Variants in SLC2A9 observed in about 807,000 individuals in gnomAD.
SLC2A9 encodes solute carrier family 2, facilitated glucose transporter member 9.
SLC2A9 carries 39 observed loss-of-function variants against 50.6 expected under a neutral mutation model. That is an observed-to-expected ratio of 0.77 (90% CI 0.60 to 1.01). The LOEUF (loss-of-function observed/expected upper bound fraction) is 1.01, where lower values mean the gene tolerates loss of function less well. Ranked by LOEUF, SLC2A9 falls within the 50% of genes least tolerant of loss-of-function variation. SLC2A9 has a pLI of 0.00. For synonymous variants in SLC2A9, 324 were observed against 276.9 expected, an observed-to-expected ratio of 1.17 and a Z score of -1.69; for missense variants, 686 against 677.6, an observed-to-expected ratio of 1.01 and a Z score of -0.14.
intron 10 of SLC2A9, among the ~76,000 whole-genome samples, chr4:9,839,864 T>A (rs562640391): frequency 6.6e-6 from 1 of 152,136 alleles, no homozygotes; most frequent in African/African-American, 2.4e-5. Flanking sequence ...AAAATATTAA[T>A]AACAAATAGG....
At chr4:10,023,340 C>T (rs933600980), upstream of SLC2A9, among the ~76,000 whole-genome samples, 1 of 152,172 alleles carries the variant, frequency 6.6e-6, no homozygotes, top group Non-Finnish European at 1.5e-5. Flanking sequence ...GGCCCCTCTG[C>T]CCCTATGCTG....
chr4:9,782,503 G>A lies in SLC2A9; in HGVS notation n.386-2438C>T, dbSNP rs777476781. On this transcript the variant is annotated intron_variant and non_coding_transcript_variant, in intron 3 of 3. Transcript: ENST00000503803. ...GCAAGATGACTCAGCGCATGGCCTT[G>A]GTCATGGTCGGCCTGGCATGGACCT... 6.2e-6 allele frequency: 10 copies of A among 1,613,866 alleles called. No homozygotes were observed. In the East Asian group the frequency reaches 8.9e-5, roughly 14 times the overall value.
chr4:9,787,345 T>A (rs1367358448), intron 3 of SLC2A9, among the ~76,000 whole-genome samples: 1 of 152,246 alleles, frequency 6.6e-6, no homozygotes, highest in Non-Finnish European at 1.5e-5. Flanking sequence ...TTTTACATTT[T>A]ATGCTTTATT....
intron 1 of SLC2A9, 45 bp from the exon 2 acceptor site, chr4:10,019,118 G>C: frequency 6.6e-7 from 1 of 1,509,270 alleles, no homozygotes; most frequent in Non-Finnish European, 9.0e-7. Context: ...CGGGCGCGCA[G>C]CCAGGGCCGA....
At chr4:9,939,958 T>C (rs561828556) in intron 6 of SLC2A9, among the ~76,000 whole-genome samples, 1 of 152,256 alleles carries the variant, frequency 6.6e-6, no homozygotes, top group East Asian at 1.9e-4. Flanking sequence ...TTTTATAGAG[T>C]GCACATGTAA....
At chr4:10,018,196 C>A (rs1053290706) in intron 2 of SLC2A9, among the ~76,000 whole-genome samples, 4 of 152,170 alleles carry the variant, frequency 2.6e-5, no homozygotes, top group African/African-American at 7.2e-5. Flanking sequence ...AAACACAAGC[C>A]AAAGATGGGT....
chr4:9,957,517 A>G (rs570900287), intron 5 of SLC2A9, among the ~76,000 whole-genome samples: 22 of 152,352 alleles, frequency 1.4e-4, no homozygotes, highest in African/African-American at 5.1e-4. Flanking sequence ...AGATAAAGCA[A>G]TCTGGAGCAA....
intron 5 of SLC2A9, among the ~76,000 whole-genome samples, chr4:9,958,720 G>C (rs1751731638): frequency 6.6e-6 from 1 of 152,120 alleles, no homozygotes; most frequent in Non-Finnish European, 1.5e-5. Flanking sequence ...CAGGAGAGAG[G>C]CAAGAATCCC....
intron 3 of SLC2A9, among the ~76,000 whole-genome samples, chr4:9,816,791 G>T (rs147686403): frequency 6.6e-6 from 1 of 151,648 alleles, no homozygotes; most frequent in South Asian, 2.1e-4. Context: ...CTGTAAGTGT[G>T]AAAGTATTTC....
At chr4:9,870,433 T>C (rs1733224951) in intron 10 of SLC2A9, among the ~76,000 whole-genome samples, 1 of 152,204 alleles carries the variant, frequency 6.6e-6, no homozygotes, top group African/African-American at 2.4e-5. Flanking sequence ...TTTCAAGGAC[T>C]GCAGAGCCAG....
At chr4:9,848,723 C>T (rs1453935434) in intron 10 of SLC2A9, among the ~76,000 whole-genome samples, 2 of 147,334 alleles carry the variant, frequency 1.4e-5, no homozygotes, top group Admixed American at 6.7e-5. Flanking sequence ...TTTTGGAGAC[C>T]GAGTCTCACT....
chr4:9,995,795 G>A (rs1758547341), intron 3 of SLC2A9: 1 of 152,184 alleles, frequency 6.6e-6, no homozygotes, highest in African/African-American at 2.4e-5. Context: ...TTACAGATAA[G>A]AAAATTGAGG....
intron 1 of SLC2A9, among the ~76,000 whole-genome samples, chr4:10,036,712 T>C (rs1156870591): frequency 6.6e-6 from 1 of 152,250 alleles, no homozygotes; most frequent in Non-Finnish European, 1.5e-5. Flanking sequence ...TGAGCACGTA[T>C]GGGTAAATCA....
At chr4:9,908,452 C>A (rs527710024) in intron 7 of SLC2A9, 107 bp from the exon 8 acceptor site, 16 of 769,818 alleles carry the variant, frequency 2.1e-5, no homozygotes, top group Non-Finnish European at 3.2e-5. Flanking sequence ...AACTCAGAGT[C>A]CCAAGGTGGA....
chr4:9,914,719 G>A lies in SLC2A9; in HGVS notation c.1002+5666C>T, dbSNP rs569205867. Among the ~76,000 whole-genome samples, 23 of 152,204 alleles carry A rather than the reference G, an allele frequency of 1.5e-4. No homozygotes were observed. The South Asian group carries it at 3.7e-3, about 25-fold the overall frequency. ...CAGCAATTGCTATGGTGGTGAGAAC[G>A]TGAATGCAGATTTCAACCACCCCGG... On this transcript the variant is annotated intron_variant, in intron 7 of 11. Transcript: ENST00000264784.
chr4:10,036,957 A>G lies in SLC2A9; in HGVS notation c.-41+3173T>C, dbSNP rs530166118. ...TTGCTAAGGAGCAAGCGGGGCCTCT[A>G]GACTTAATTGTTAAGCATTCTCAAA... On this transcript the variant is annotated intron_variant, in intron 1 of 12. Coordinates refer to the SLC2A9 transcript ENST00000309065. Among the ~76,000 whole-genome samples, 4 of 152,308 alleles carry G rather than the reference A, an allele frequency of 2.6e-5. No homozygotes were observed. In the South Asian group the frequency reaches 8.3e-4, roughly 32 times the overall value.
At chr4:9,928,659 G>A (rs547148222) in intron 6 of SLC2A9, among the ~76,000 whole-genome samples, 290 of 152,230 alleles carry the variant, frequency 1.9e-3, no homozygotes, top group African/African-American at 6.5e-3. Flanking sequence ...GCTTGAACCC[G>A]GGAGGTGGAG....
intron 10 of SLC2A9, among the ~76,000 whole-genome samples, chr4:9,856,349 CAAT>C (rs1267416216): frequency 3.9e-5 from 6 of 152,064 alleles, no homozygotes; most frequent in East Asian, 1.9e-4. Flanking sequence ...ACGCAACCAA[CAAT>C]AATAATAAAA....
At chr4:10,022,922 CCTT>C (rs1763604800), upstream of SLC2A9, among the ~76,000 whole-genome samples, 1 of 152,182 alleles carries the variant, frequency 6.6e-6, no homozygotes, top group African/African-American at 2.4e-5. Flanking sequence ...GTGCAATCGT[CCTT>C]CTGTGTGTTA....
Sources: gnomAD v4.1 joint callset for allele counts (sites outside exome capture counted in the v4.1 genomes callset) on GRCh38, gnomAD v4.1.1 for gene constraint, MANE v1.5 for transcripts, NCBI Gene and HGNC (gene_info 2026-07-23, HGNC 2026-07-21) for gene names.